The following BCAN variants were observed in gnomAD, a reference collection of about 807,000 sequenced individuals.
The protein encoded by BCAN is brevican.
Under a neutral mutation model 92.4 loss-of-function variants are expected in BCAN, and 51 were observed. That is an observed-to-expected ratio of 0.55 (90% CI 0.44 to 0.70). The LOEUF (loss-of-function observed/expected upper bound fraction) is 0.70. Ranked by LOEUF, BCAN falls within the 30% of genes least tolerant of loss-of-function variation. BCAN has a pLI of 0.00. For missense variants in BCAN, 1,140 were observed against 1,212.1 expected (o/e 0.94, Z 0.88); for synonymous variants, 501 against 505.2 (o/e 0.99, Z 0.11).
At chr1:156,656,910 C>T (rs1679351245) in intron 9 of BCAN, 28 bp from the exon 10 acceptor site, 8 of 1,606,098 alleles carry the variant, frequency 5.0e-6, no homozygotes, top group South Asian at 1.1e-5. Context: ...TTTTGGGGCC[C>T]TAAGATGCCC....
Position 156,647,435 on chromosome 1 carries a change from A to T in BCAN, c.467-73A>T. The stretch of plus-strand genomic sequence containing the variant: ...CTTTATTTACCCTTGTGTACAGAGG[A>T]GTGACAAGGAGGGTGAGGGGAGGCC... On this transcript the variant is annotated intron_variant, in intron 3 of 13. Transcript: ENST00000329117. The surrounding 1 kb of genome is among the most constrained non-coding windows in gnomAD (Gnocchi z 4.8). 7.2e-7 allele frequency: 1 copy of T among 1,395,902 alleles called. No individual in the cohort carries two copies. Among genetic ancestry groups the T allele is most frequent in the South Asian group, 1.4e-5 (1 of 71,732 alleles). The allele number at this position is 1,395,902 out of a possible 1,614,324, so 86.5% of individuals were successfully genotyped here. A position where few individuals can be genotyped will look rare whatever the true frequency, so the allele number is the denominator to read the frequency against.
At position 156,651,354 on chromosome 1, in the gene BCAN, G is replaced by C. The variant is rs1046232093; in HGVS notation, c.1064-102G>C. ...CTGGGCCCCAGTAGGTGCTCCACAG[G>C]GAAGATGTGAGAGAATTGAGAGAAT... On this transcript the variant is annotated intron_variant, in intron 6 of 13. Transcript: ENST00000329117. 3 of 1,112,276 alleles carry C rather than the reference G, an allele frequency of 2.7e-6. No individual in the cohort carries two copies. The African/African-American group carries it at 4.6e-5, about 17-fold the overall frequency. The allele number at this position is 1,112,276 out of a possible 1,614,324, so 68.9% of individuals were successfully genotyped here.
At chr1:156,654,283 T>C (rs1351829315) in intron 8 of BCAN, among the ~76,000 whole-genome samples, 1 of 152,118 alleles carries the variant, frequency 6.6e-6, no homozygotes, top group Non-Finnish European at 1.5e-5. Flanking sequence ...AGGACCCCCA[T>C]GTTAGATGGA....
chr1:156,657,708 A>G lies in BCAN; in HGVS notation c.2243A>G (p.Asn748Ser). Residue 748 changes from asparagine to serine, a missense_variant, in exon 11 of 14, where the codon AAC (asparagine) becomes AGC (serine). Physicochemically the swap from Asn to Ser is conservative, Grantham distance 46. Around this residue, in one of 3 missense-constraint regions of BCAN, gnomAD observed 825 missense variants for 871.8 expected, o/e 0.95. Coordinates refer to ENST00000329117, the MANE Select transcript of BCAN (RefSeq NM_021948.5). Reference protein sequence around the residue: ...RYREYQWIGLNDRTIEGDFLW... With the variant: ...RYREYQWIGLSDRTIEGDFLW... ...CGGGAGTACCAGTGGATCGGACTCA[A>G]CGACAGGACCATCGAAGGCGACTTC... 3.7e-6 allele frequency: 6 copies of G among 1,612,410 alleles called. No homozygotes were observed. The highest frequency in any genetic ancestry group is 3.4e-6 in the Non-Finnish European group (4 of 1,179,370).
chr1:156,652,579 G>T lies in BCAN; in HGVS notation c.1629G>T (p.Leu543=). Residue 543 remains leucine, a synonymous_variant, in exon 8 of 14, where the codon CTG becomes CTT. Coordinates refer to ENST00000329117, the MANE Select transcript of BCAN (RefSeq NM_021948.5). Reference sequence around the variant, plus strand: ...TCCATGGACCACCTACTGAGACTCTGCCCACTCCCAGGGAGAGGAACCTAG... The same window carrying T: ...TCCATGGACCACCTACTGAGACTCTTCCCACTCCCAGGGAGAGGAACCTAG... The part of the protein sequence containing the change: ...PRVHGPPTET[L]PTPRERNLAS... The T allele has an allele frequency of 1.2e-6, 2 of 1,614,110 alleles. No individual in the cohort carries two copies. Among genetic ancestry groups the T allele is most frequent in the Non-Finnish European group, 1.7e-6 (2 of 1,179,994 alleles).
At chr1:156,643,921 G>A (rs1571435084) in intron 1 of BCAN, 2 of 152,464 alleles carry the variant, frequency 1.3e-5, no homozygotes, top group African/African-American at 4.8e-5. Flanking sequence ...GAAGAGAAGA[G>A]GAAGTGGAGA....
chr1:156,652,375 G>T lies in BCAN; in HGVS notation c.1425G>T (p.Glu475Asp), dbSNP rs143303018. ...KEEEEEEEEV[E>D]DEALWAWPSE... ...AGGAAGAAGAAGAGGAGGAGGTGGAGGATGAGGCTCTGTGGGCATGGCCCA... is the reference window on the plus strand; with the variant it reads ...AGGAAGAAGAAGAGGAGGAGGTGGATGATGAGGCTCTGTGGGCATGGCCCA... The change falls in exon 8 of 14, where the codon GAG becomes GAT. Residue 475 changes from glutamate to aspartate, a missense_variant. Glu to Asp is a conservative substitution (Grantham distance 45). Transcript: ENST00000329117. The T allele has an allele frequency of 2.5e-5, 41 of 1,612,108 alleles. No homozygotes were observed. In the African/African-American group the frequency reaches 5.5e-4, roughly 22 times the overall value.
chr1:156,643,295 G>T (rs1345751828), intron 1 of BCAN: 1 of 152,192 alleles, frequency 6.6e-6, no homozygotes, highest in Non-Finnish European at 1.5e-5. Context: ...TGCTCGGCTG[G>T]TGTCATTGCT....
In BCAN at chr1:156,659,300, C is replaced by G. The variant is rs969111755; in HGVS notation, c.*166C>G. On this transcript the variant is annotated 3_prime_UTR_variant, in exon 14 of 14. Transcript: ENST00000329117. ...GCTTCTGGGAAATACCTAGGAGGCT[C>G]CAGCCCAGCCCAGGCCCTCTCCCCC... The G allele has an allele frequency of 1.7e-6, 1 of 588,038 alleles. No individual in the cohort carries two copies. The allele number at this position is 588,038 out of a possible 1,614,324, so 36.4% of individuals were successfully genotyped here.
In BCAN at chr1:156,642,664, GCT is replaced by G. The variant is rs1678827121; in HGVS notation, c.-9+391_-9+392del. The G allele has an allele frequency of 6.6e-6, 1 of 152,432 alleles. No individual in the cohort carries two copies. The highest frequency in any genetic ancestry group is 6.5e-5 in the Admixed American group (1 of 15,290). The allele number at this position is 152,432 out of a possible 1,614,324, so 9.4% of individuals were successfully genotyped here. A position where few individuals can be genotyped will look rare whatever the true frequency, so the allele number is the denominator to read the frequency against. ...GCCTCCGTGCCCCCACGCACAGGCA[GCT>G]CCAGGAGCAGCGGCCAGCAACCCTT... On this transcript the variant is annotated intron_variant, in intron 1 of 13. Coordinates refer to ENST00000329117, the MANE Select transcript of BCAN (RefSeq NM_021948.5). This position sits in a 1 kb window ranked among gnomAD's most constrained non-coding sequence, Gnocchi z 4.2.
At chr1:156,655,560 C>T (rs1679297884) in intron 8 of BCAN, among the ~76,000 whole-genome samples, 1 of 152,170 alleles carries the variant, frequency 6.6e-6, no homozygotes, top group Non-Finnish European at 1.5e-5. Flanking sequence ...GTCAGCACTG[C>T]AGGACAATGG....
chr1:156,652,960 C>A, intron 8 of BCAN, 68 bp downstream of exon 8: 1 of 1,589,692 alleles, frequency 6.3e-7, no homozygotes. Flanking sequence ...AGCTCTGGGT[C>A]ACCTGACCTG....
chr1:156,649,322 G>A (rs1159326962), intron 6 of BCAN, among the ~76,000 whole-genome samples: 8 of 152,336 alleles, frequency 5.3e-5, no homozygotes, highest in Middle Eastern at 3.4e-3. Flanking sequence ...CCAAATACTG[G>A]TGGATGGATA....
chr1:156,653,020 T>G lies in BCAN; in HGVS notation c.1942+128T>G, dbSNP rs1434106107. The G allele has an allele frequency of 2.0e-6, 3 of 1,522,826 alleles. No homozygotes were observed. The Admixed American group carries it at 6.1e-5, about 31-fold the overall frequency. The allele number at this position is 1,522,826 out of a possible 1,614,324, so 94.3% of individuals were successfully genotyped here. On this transcript the variant is annotated intron_variant, in intron 8 of 13. Coordinates refer to ENST00000329117, the MANE Select transcript of BCAN (RefSeq NM_021948.5). Reference sequence around the variant, plus strand: ...CAAACTCTCCTGTCCTTTGCCTTCATTCTCTTACCCACCTCTACCTATGGG... The same window carrying G: ...CAAACTCTCCTGTCCTTTGCCTTCAGTCTCTTACCCACCTCTACCTATGGG...
chr1:156,655,053 C>A (rs1034305635), intron 8 of BCAN, among the ~76,000 whole-genome samples: 5 of 152,196 alleles, frequency 3.3e-5, no homozygotes, highest in African/African-American at 9.7e-5. Context: ...GCCATGGCTT[C>A]TAGAGGTGGA....
In BCAN at chr1:156,652,611, C is replaced by T. The variant is rs748265275; in HGVS notation, c.1661C>T (p.Pro554Leu). The change falls in exon 8 of 14, where the codon CCA (proline) becomes CTA (leucine). Residue 554 changes from proline to leucine, a missense_variant. Pro to Leu is a moderately conservative substitution (Grantham distance 98). Coordinates refer to ENST00000329117, the MANE Select transcript of BCAN (RefSeq NM_021948.5). ...PTPRERNLAS[P>L]SPSTLVEARE... ...CCCAGGGAGAGGAACCTAGCATCCC[C>T]ATCACCTTCCACTCTGGTTGAGGCA... The T allele has an allele frequency of 1.9e-6, 3 of 1,614,046 alleles. No homozygotes were observed. The highest frequency in any genetic ancestry group is 1.3e-5 in the African/African-American group (1 of 75,060).
intron 6 of BCAN, among the ~76,000 whole-genome samples, chr1:156,650,677 G>T (rs1292046656): frequency 6.6e-6 from 1 of 152,178 alleles, no homozygotes; most frequent in Non-Finnish European, 1.5e-5. Context: ...GAGGCTCGGT[G>T]CAGTGGCTCA....
At chr1:156,650,070 G>C (rs1467746650) in intron 6 of BCAN, among the ~76,000 whole-genome samples, 1 of 151,980 alleles carries the variant, frequency 6.6e-6, no homozygotes, top group Non-Finnish European at 1.5e-5. Flanking sequence ...GGAGGGGTGG[G>C]GAAGTAAAAG....
chr1:156,659,383 G>A lies in BCAN; in HGVS notation c.*249G>A. ...GAGTAAATCCCTAAGTGCCTCAACT[G>A]CCCTCTCCCTGGCAGCCATCTTGTC... On this transcript the variant is annotated 3_prime_UTR_variant, in exon 14 of 14. Transcript: ENST00000329117. 2.0e-6 allele frequency: 1 copy of A among 505,502 alleles called. No homozygotes were observed. Among genetic ancestry groups the A allele is most frequent in the Non-Finnish European group, 3.5e-6 (1 of 288,354 alleles). The allele number at this position is 505,502 out of a possible 1,614,324, so 31.3% of individuals were successfully genotyped here. A position where few individuals can be genotyped will look rare whatever the true frequency, so the allele number is the denominator to read the frequency against.
Sources: allele counts gnomAD v4.1 joint callset (sites outside exome capture counted in the v4.1 genomes callset), GRCh38; gene constraint gnomAD v4.1.1; regional missense constraint gnomAD v4.1.1; non-coding constraint Gnocchi (gnomAD v3.1); transcripts MANE v1.5; gene names NCBI Gene and HGNC (gene_info 2026-07-23, HGNC 2026-07-21).